Variants in PABPC1L observed in about 807,000 individuals in gnomAD.
The protein encoded by PABPC1L is polyadenylate-binding protein 1-like.
In PABPC1L, 31 loss-of-function variants were observed where a neutral mutation model predicts 66.6. The observed-to-expected ratio is 0.47, with a 90% confidence interval of 0.35 to 0.63. The LOEUF (loss-of-function observed/expected upper bound fraction) is 0.63, where lower values mean the gene tolerates loss of function less well. PABPC1L is among the 20% of genes least tolerant of loss of function. The probability of loss-of-function intolerance (pLI) is 0.00; values close to 1 mark genes in which losing one functional copy is unlikely to be tolerated. For missense variants in PABPC1L, 722 were observed against 848.8 expected (o/e 0.85, Z 1.86); for synonymous variants, 348 against 335.1 (o/e 1.04, Z -0.42).
At chr20:44,912,622 C>T in intron 1 of PABPC1L, 38 bp from the exon 2 acceptor site, 4 of 1,555,312 alleles carry the variant, frequency 2.6e-6, no homozygotes, top group Non-Finnish European at 2.6e-6. Flanking sequence ...AGAAAATTCC[C>T]TAAACTTGCT....
At chr20:44,928,068 TTTTTA>T (rs1226786582) in intron 7 of PABPC1L, among the ~76,000 whole-genome samples, 1 of 152,064 alleles carries the variant, frequency 6.6e-6, no homozygotes, top group Non-Finnish European at 1.5e-5. Flanking sequence ...TCTTTTATTA[TTTTTA>T]TTTTTATTTT....
At chr20:44,920,251 T>A (rs2033611221) in intron 5 of PABPC1L, among the ~76,000 whole-genome samples, 1 of 152,166 alleles carries the variant, frequency 6.6e-6, no homozygotes, top group African/African-American at 2.4e-5. Flanking sequence ...TCCACTATTA[T>A]GGTATCATGC....
chr20:44,923,210 G>A (rs548460751), intron 6 of PABPC1L, among the ~76,000 whole-genome samples: 1 of 152,210 alleles, frequency 6.6e-6, no homozygotes, highest in Non-Finnish European at 1.5e-5. Flanking sequence ...GGGTTGTCCT[G>A]TCTCTGCCAC....
intron 11 of PABPC1L, among the ~76,000 whole-genome samples, chr20:44,936,192 T>G (rs2066899451): frequency 6.6e-6 from 1 of 152,160 alleles, no homozygotes; most frequent in African/African-American, 2.4e-5. Context: ...CTCAAACTCC[T>G]GGCCTCAAGC....
chr20:44,910,272 C>CCG lies in PABPC1L; in HGVS notation c.132_133dup (p.Asp45AlafsTer3). 6.4e-7 allele frequency: 1 copy of CCG among 1,554,724 alleles called. No individual in the cohort carries two copies. ...GCCCCATCCTGTCCATCCGCGTGTGCCGCGATGTAGCCACCCGGCGCTCGC... is the reference window on the plus strand; with the variant it reads ...GCCCCATCCTGTCCATCCGCGTGTGCCGCGCGATGTAGCCACCCGGCGCTCGC... On this transcript the variant is annotated frameshift_variant, in exon 1 of 15. Transcript: ENST00000217073. LOFTEE classifies it high-confidence loss of function.
At chr20:44,918,317 G>GA (rs1417502701) in intron 3 of PABPC1L, among the ~76,000 whole-genome samples, 3 of 152,160 alleles carry the variant, frequency 2.0e-5, no homozygotes, top group African/African-American at 7.2e-5. Context: ...GCGATAGAGC[G>GA]AAACTCAGTG....
intron 6 of PABPC1L, among the ~76,000 whole-genome samples, chr20:44,922,648 G>A (rs2066782246): frequency 6.6e-6 from 1 of 152,198 alleles, no homozygotes; most frequent in Admixed American, 6.5e-5. Context: ...TGGGATTACA[G>A]GCATGAGCCA....
At chr20:44,912,062 G>C (rs2066709184) in intron 1 of PABPC1L, among the ~76,000 whole-genome samples, 1 of 152,134 alleles carries the variant, frequency 6.6e-6, no homozygotes, top group Non-Finnish European at 1.5e-5. Context: ...TTATTTTTCA[G>C]TCCCTCCAAC....
rs768175189 is a variant in PABPC1L, at chr20:44,921,758, C to T, written c.876+27C>T. 1.9e-6 allele frequency: 3 copies of T among 1,612,318 alleles called. No homozygotes were observed. In the South Asian group the frequency reaches 3.3e-5, roughly 18 times the overall value. On this transcript the variant is annotated intron_variant, in intron 6 of 14. Coordinates refer to ENST00000217073, the MANE Select transcript of PABPC1L (RefSeq NM_001372179.1). ...TGAGGTCAGGCTTCCTGGTGGCAGC[C>T]ACTTCTGTGTGAGAGCAGCTGTGTG...
intron 6 of PABPC1L, among the ~76,000 whole-genome samples, chr20:44,923,082 G>T (rs904440064): frequency 1.3e-5 from 2 of 152,228 alleles, no homozygotes; most frequent in African/African-American, 2.4e-5. Flanking sequence ...TGCGGTCTCT[G>T]TTCTCTTGTA....
intron 14 of PABPC1L, 55 bp downstream of exon 14, chr20:44,938,803 G>A: frequency 2.0e-6 from 3 of 1,513,752 alleles, no homozygotes; most frequent in Non-Finnish European, 2.7e-6. Context: ...TAAGGAAATA[G>A]GCAGGGACTG....
intron 7 of PABPC1L, among the ~76,000 whole-genome samples, chr20:44,927,678 C>T (rs1720108006): frequency 1.3e-5 from 2 of 152,128 alleles, no homozygotes; most frequent in South Asian, 4.2e-4. Context: ...CCTGTGGAAC[C>T]CTTCTAAGAA....
chr20:44,932,270 C>T (rs1169006626), intron 8 of PABPC1L, 72 bp from the exon 9 acceptor site: 11 of 1,227,968 alleles, frequency 9.0e-6, no homozygotes, highest in Non-Finnish European at 1.2e-5. Context: ...GCCATGGTGT[C>T]CCTGAGGAGG....
intron 2 of PABPC1L, among the ~76,000 whole-genome samples, chr20:44,913,644 C>T (rs978219727): frequency 1.3e-5 from 2 of 151,986 alleles, no homozygotes; most frequent in South Asian, 2.1e-4. Context: ...AGGCTGGTCT[C>T]GAACTCCTGA....
chr20:44,921,606 A>AT lies in PABPC1L; in HGVS notation c.752dup (p.Met251IlefsTer25). 6.2e-7 allele frequency: 1 copy of AT among 1,613,996 alleles called. No homozygotes were observed. The highest frequency in any genetic ancestry group is 8.5e-7 in the Non-Finnish European group (1 of 1,179,970). On this transcript the variant is annotated frameshift_variant, in exon 6 of 15. Coordinates refer to ENST00000217073, the MANE Select transcript of PABPC1L (RefSeq NM_001372179.1). LOFTEE classifies it high-confidence loss of function. ...CTCCTTTCCCCAGGCCGTGGTCCAT[A>AT]TGAACGGGAAGGAGGTGAGCGGGCG...
chr20:44,914,604 G>T (rs1476444247), intron 2 of PABPC1L, among the ~76,000 whole-genome samples: 1 of 152,184 alleles, frequency 6.6e-6, no homozygotes, highest in African/African-American at 2.4e-5. Context: ...GGCTATCCCT[G>T]TGGCTCAGAG....
Position 44,933,060 on chromosome 20 carries a change from C to A in PABPC1L, c.1334C>A (p.Ala445Asp). Residue 445 changes from alanine to aspartate, a missense_variant, in exon 10 of 15, where the codon GCC becomes GAC. Physicochemically the swap from Ala to Asp is moderately radical, Grantham distance 126 (BLOSUM62 -2). This residue lies in a region of PABPC1L where 301 missense variants were observed against 337.2 expected (regional missense o/e 0.89). Transcript: ENST00000217073. Reference sequence around the variant, plus strand: ...TCTGTGGTGTCTGCACCACAAGCTGCCTACCCTCCAGGTGCCTCAATGGTC... The same window carrying A: ...TCTGTGGTGTCTGCACCACAAGCTGACTACCCTCCAGGTGCCTCAATGGTC... ...WTSQPPRPSS[A>D]YPPGASMVRP... The A allele has an allele frequency of 6.3e-7, 1 of 1,576,256 alleles. No homozygotes were observed. Among genetic ancestry groups the A allele is most frequent in the East Asian group, 2.3e-5 (1 of 43,356 alleles).
At chr20:44,915,771 C>T (rs1007327832) in intron 2 of PABPC1L, among the ~76,000 whole-genome samples, 1 of 147,694 alleles carries the variant, frequency 6.8e-6, no homozygotes, top group Non-Finnish European at 1.5e-5. Context: ...TGCACTCCAG[C>T]CTGGGCAACA....
chr20:44,934,293 C>A (rs2066884191), intron 10 of PABPC1L, among the ~76,000 whole-genome samples: 1 of 152,208 alleles, frequency 6.6e-6, no homozygotes, highest in Admixed American at 6.5e-5. Context: ...CAGGCCCTGA[C>A]ACCCCTGCTT....
Sources: gnomAD v4.1 joint callset for allele counts (sites outside exome capture counted in the v4.1 genomes callset) on GRCh38, gnomAD v4.1.1 for gene constraint, gnomAD v4.1.1 regional missense constraint, MANE v1.5 for transcripts, NCBI Gene and HGNC (gene_info 2026-07-23, HGNC 2026-07-21) for gene names.